The following CDKAL1 variants were observed in gnomAD, a reference collection of about 807,000 sequenced individuals.
CDKAL1 encodes threonylcarbamoyladenosine tRNA methylthiotransferase.
CDKAL1 carries 32 observed loss-of-function variants against 68.2 expected under a neutral mutation model. The ratio of observed to expected loss-of-function variants is 0.47; its 90% CI spans 0.35 to 0.63. The LOEUF (loss-of-function observed/expected upper bound fraction) is 0.63. CDKAL1 is among the 30% of genes least tolerant of loss of function. The pLI, the probability that CDKAL1 is intolerant of heterozygous loss-of-function variation, is 0.00. For missense variants in CDKAL1, 606 were observed against 696.7 expected, an observed-to-expected ratio of 0.87 and a Z score of 1.47; for synonymous variants, 234 against 244.3, an observed-to-expected ratio of 0.96 and a Z score of 0.39.
intron 2 of CDKAL1, among the ~76,000 whole-genome samples, chr6:20,542,389 T>C (rs1026043652): frequency 6.6e-6 from 1 of 152,206 alleles, no homozygotes; most frequent in Non-Finnish European, 1.5e-5. Flanking sequence ...TATCCTTGTT[T>C]AGCTTCTTTG....
intron 13 of CDKAL1, among the ~76,000 whole-genome samples, chr6:21,165,152 C>T (rs1395793569): frequency 6.6e-6 from 1 of 152,244 alleles, no homozygotes; most frequent in African/African-American, 2.4e-5. Flanking sequence ...CATCCACTTC[C>T]TTAGCCCTTT....
intron 9 of CDKAL1, among the ~76,000 whole-genome samples, chr6:20,873,440 T>C (rs1026328355): frequency 6.6e-6 from 1 of 152,196 alleles, no homozygotes; most frequent in Admixed American, 6.5e-5. Context: ...ATGCCAGACA[T>C]TGTGATTATA....
intron 4 of CDKAL1, among the ~76,000 whole-genome samples, chr6:20,648,737 A>G (rs1768606860): frequency 6.6e-6 from 1 of 152,254 alleles, no homozygotes; most frequent in Non-Finnish European, 1.5e-5. Flanking sequence ...TTAAAAATTC[A>G]TATAATAAAT....
chr6:20,729,371 A>G (rs1772801726), intron 5 of CDKAL1, among the ~76,000 whole-genome samples: 2 of 151,824 alleles, frequency 1.3e-5, no homozygotes, highest in East Asian at 3.9e-4. Flanking sequence ...TTTTTTTCTT[A>G]ATGTCTTATC....
At chr6:20,953,659 C>T (rs923370847) in intron 9 of CDKAL1, among the ~76,000 whole-genome samples, 2 of 152,114 alleles carry the variant, frequency 1.3e-5, no homozygotes, top group African/African-American at 4.8e-5. Context: ...AATTTCAGTC[C>T]ACTTTTTAAA....
chr6:20,743,788 G>T (rs1231606692), intron 6 of CDKAL1, among the ~76,000 whole-genome samples: 1 of 152,162 alleles, frequency 6.6e-6, no homozygotes, highest in Non-Finnish European at 1.5e-5. Flanking sequence ...TGTAACCTCT[G>T]CACTTCTCCC....
chr6:20,714,603 T>C (rs1490613236), intron 5 of CDKAL1, among the ~76,000 whole-genome samples: 1 of 151,976 alleles, frequency 6.6e-6, no homozygotes, highest in Non-Finnish European at 1.5e-5. Flanking sequence ...TTGTCCAAAC[T>C]GTATTATTGT....
intron 13 of CDKAL1, among the ~76,000 whole-genome samples, chr6:21,186,655 A>G (rs1778026515): frequency 6.6e-6 from 1 of 152,240 alleles, no homozygotes; most frequent in Non-Finnish European, 1.5e-5. Context: ...CAATTTTGCT[A>G]TTCAAAATTC....
chr6:21,142,094 C>A (rs1775945243), intron 13 of CDKAL1, among the ~76,000 whole-genome samples: 1 of 151,914 alleles, frequency 6.6e-6, no homozygotes, highest in South Asian at 2.1e-4. Flanking sequence ...TAGTGTGCAC[C>A]AGACTGGTCT....
intron 11 of CDKAL1, among the ~76,000 whole-genome samples, chr6:21,062,172 A>G (rs1771171671): frequency 6.6e-6 from 1 of 152,194 alleles, no homozygotes; most frequent in South Asian, 2.1e-4. Flanking sequence ...CCCATAATCT[A>G]GTGCCAAATT....
At chr6:20,774,385 T>C (rs1053511971) in intron 7 of CDKAL1, among the ~76,000 whole-genome samples, 1 of 152,172 alleles carries the variant, frequency 6.6e-6, no homozygotes, top group Non-Finnish European at 1.5e-5. Flanking sequence ...TTGTAGCTAG[T>C]TATGTTTCTA....
chr6:21,208,380 C>T (rs1779021977), intron 15 of CDKAL1, among the ~76,000 whole-genome samples: 1 of 152,156 alleles, frequency 6.6e-6, no homozygotes. Flanking sequence ...ACATTCATTT[C>T]CAGAACCAGT....
At chr6:20,954,480 C>T (rs1764684225) in intron 9 of CDKAL1, among the ~76,000 whole-genome samples, 1 of 152,192 alleles carries the variant, frequency 6.6e-6, no homozygotes, top group Non-Finnish European at 1.5e-5. Flanking sequence ...CAACAAACCA[C>T]TTGAGCGTGA....
At chr6:20,913,079 A>G (rs1391749312) in intron 9 of CDKAL1, among the ~76,000 whole-genome samples, 1 of 151,478 alleles carries the variant, frequency 6.6e-6, no homozygotes, top group East Asian at 1.9e-4. Flanking sequence ...TCAGTCAGGG[A>G]TCTCCAGAGA....
chr6:21,001,767 T>C (rs560877368), intron 11 of CDKAL1, among the ~76,000 whole-genome samples: 1 of 152,242 alleles, frequency 6.6e-6, no homozygotes, highest in Non-Finnish European at 1.5e-5. Flanking sequence ...AGAGTTCTTT[T>C]GGGCACTCTG....
At chr6:21,119,386 T>G (rs1315103314) in intron 13 of CDKAL1, among the ~76,000 whole-genome samples, 3 of 152,248 alleles carry the variant, frequency 2.0e-5, no homozygotes, top group Non-Finnish European at 4.4e-5. Flanking sequence ...ATATGTTCAA[T>G]AAATAACTGG....
chr6:20,590,145 A>C (rs1406091245), intron 4 of CDKAL1, among the ~76,000 whole-genome samples: 1 of 152,148 alleles, frequency 6.6e-6, no homozygotes, highest in Non-Finnish European at 1.5e-5. Context: ...AACAGTTGTT[A>C]ATACTGTGTT....
chr6:21,229,657 G>A lies in CDKAL1; in HGVS notation c.1549-1191G>A, dbSNP rs116419336. On this transcript the variant is annotated intron_variant, in intron 15 of 15. Transcript: ENST00000274695. ...TGCACCGCCTCTGGGCTGCCCCTCC[G>A]CCCTAGCATTTTTCCTTCCATCTAG... Among the ~76,000 whole-genome samples, 664 of 152,200 alleles carry A rather than the reference G, an allele frequency of 4.4e-3. 2 individuals are homozygous for A. Among genetic ancestry groups the A allele is most frequent in the African/African-American group, 0.015 (626 of 41,524 alleles).
At chr6:21,099,992 T>G (rs1773503375) in intron 12 of CDKAL1, among the ~76,000 whole-genome samples, 3 of 152,234 alleles carry the variant, frequency 2.0e-5, no homozygotes, top group African/African-American at 7.2e-5. Context: ...GGAGAAGGTA[T>G]GGCAACCTAC....
Sources: allele counts gnomAD v4.1 joint callset (sites outside exome capture counted in the v4.1 genomes callset), GRCh38; gene constraint gnomAD v4.1.1; transcripts MANE v1.5; gene names NCBI Gene and HGNC (gene_info 2026-07-23, HGNC 2026-07-21).